The following UNC5D variants were observed in gnomAD, a reference collection of about 807,000 sequenced individuals.
The protein encoded by UNC5D is unc-5 netrin receptor D.
In UNC5D, 39 loss-of-function variants were observed where a neutral mutation model predicts 105.4. The ratio of observed to expected loss-of-function variants is 0.37; its 90% CI spans 0.29 to 0.48. UNC5D has a LOEUF of 0.48. UNC5D is among the 20% of genes least tolerant of loss of function. The pLI is 0.98. For synonymous variants in UNC5D, 452 were observed against 450.4 expected (o/e 1.00, Z -0.04); for missense variants, 991 against 1,202.4 (o/e 0.82, Z 2.60).
chr8:35,769,927 C>T (rs904782824), intron 15 of UNC5D, among the ~76,000 whole-genome samples: 3 of 152,176 alleles, frequency 2.0e-5, no homozygotes, highest in South Asian at 2.1e-4. Context: ...CACACCACTG[C>T]ACTCCAGCCT....
intron 1 of UNC5D, among the ~76,000 whole-genome samples, chr8:35,477,179 T>C (rs1400018199): frequency 1.3e-5 from 2 of 152,218 alleles, no homozygotes; most frequent in Non-Finnish European, 2.9e-5. Flanking sequence ...TTTCATTTAA[T>C]TTTGAAATTA....
chr8:35,459,817 CAT>C (rs1471944348), intron 1 of UNC5D, among the ~76,000 whole-genome samples: 1 of 152,162 alleles, frequency 6.6e-6, no homozygotes, highest in Non-Finnish European at 1.5e-5. Context: ...TGATTTCTAA[CAT>C]ATTGTCGCAT....
intron 1 of UNC5D, among the ~76,000 whole-genome samples, chr8:35,309,428 A>C (rs1808701241): frequency 6.6e-6 from 1 of 152,110 alleles, no homozygotes. Flanking sequence ...TGTCTCTCTC[A>C]TGGCTCATGC....
chr8:35,690,446 T>C (rs964463386), intron 7 of UNC5D, among the ~76,000 whole-genome samples: 1 of 151,852 alleles, frequency 6.6e-6, no homozygotes, highest in African/African-American at 2.4e-5. Flanking sequence ...CTGGGCAACA[T>C]AGCAAGACCC....
intron 1 of UNC5D, among the ~76,000 whole-genome samples, chr8:35,447,203 T>C (rs1024924921): frequency 6.6e-6 from 1 of 152,128 alleles, no homozygotes; most frequent in African/African-American, 2.4e-5. Context: ...GGAGAAAACA[T>C]CAGTATTTTG....
intron 10 of UNC5D, 72 bp downstream of exon 10, chr8:35,726,601 C>G (rs1026173296): frequency 1.9e-5 from 30 of 1,557,148 alleles, no homozygotes; most frequent in Admixed American, 1.4e-4. Context: ...TACTTCCCAT[C>G]AGATTCATTT....
At chr8:35,623,857 G>C (rs1163757515) in intron 4 of UNC5D, among the ~76,000 whole-genome samples, 1 of 152,110 alleles carries the variant, frequency 6.6e-6, no homozygotes, top group African/African-American at 2.4e-5. Context: ...GAGGCAGGCG[G>C]ATCACAAGGG....
At chr8:35,402,162 T>A (rs1352621866) in intron 1 of UNC5D, among the ~76,000 whole-genome samples, 1 of 152,196 alleles carries the variant, frequency 6.6e-6, no homozygotes, top group African/African-American at 2.4e-5. Flanking sequence ...AATCTTTATT[T>A]CATTTATCTG....
At chr8:35,247,569 A>ATATATAT (rs1269599978) in intron 1 of UNC5D, among the ~76,000 whole-genome samples, 59 of 115,752 alleles carry the variant, frequency 5.1e-4, no homozygotes, top group African/African-American at 2.0e-3. Context: ...TAATATATAA[A>ATATATAT]TATGTATAAA....
At chr8:35,790,338 T>C in intron 16 of UNC5D, 21 bp from the exon 17 acceptor site, 1 of 1,610,930 alleles carries the variant, frequency 6.2e-7, no homozygotes, top group Non-Finnish European at 8.5e-7. Context: ...TTGTTCTTTG[T>C]GTTTAACTCT....
chr8:35,480,479 A>T (rs911334501), intron 1 of UNC5D, among the ~76,000 whole-genome samples: 2 of 152,138 alleles, frequency 1.3e-5, no homozygotes, highest in East Asian at 3.9e-4. Flanking sequence ...GGAGCTCCTG[A>T]GGAGTCCTTA....
At chr8:35,786,264 G>T (rs1396137407) in intron 16 of UNC5D, among the ~76,000 whole-genome samples, 1 of 152,154 alleles carries the variant, frequency 6.6e-6, no homozygotes, top group Non-Finnish European at 1.5e-5. Context: ...ATGTTGTGCT[G>T]AATGTGCTTG....
chr8:35,366,930 G>A lies in UNC5D; in HGVS notation c.103+131043G>A, dbSNP rs184372355. Among the ~76,000 whole-genome samples, 80 of 152,276 alleles carry A rather than the reference G, an allele frequency of 5.3e-4. 1 individual carries two copies. The highest frequency in any genetic ancestry group is 1.8e-3 in the African/African-American group (74 of 41,562). On this transcript the variant is annotated intron_variant, in intron 1 of 16. Transcript: ENST00000404895. The stretch of plus-strand genomic sequence containing the variant: ...TCATAATAGAGATCATTCTTCTAGT[G>A]TAATCTTTTCTACAACTCCAAGTGG...
intron 1 of UNC5D, chr8:35,254,820 A>T (rs189903695): frequency 6.6e-6 from 1 of 152,316 alleles, no homozygotes; most frequent in Admixed American, 6.5e-5. Flanking sequence ...AGTCAAAGAC[A>T]ATTTTTTCAT....
At chr8:35,735,918 C>A (rs956810681) in intron 11 of UNC5D, among the ~76,000 whole-genome samples, 4 of 152,162 alleles carry the variant, frequency 2.6e-5, no homozygotes, top group African/African-American at 7.2e-5. Flanking sequence ...AGGTATATAT[C>A]TTTTATCAAT....
intron 1 of UNC5D, among the ~76,000 whole-genome samples, chr8:35,456,089 A>G (rs889036371): frequency 2.0e-5 from 3 of 152,156 alleles, no homozygotes; most frequent in African/African-American, 7.2e-5. Flanking sequence ...AATTCAGATA[A>G]TTTTTAAGGA....
At chr8:35,471,074 C>T (rs1030622982) in intron 1 of UNC5D, among the ~76,000 whole-genome samples, 5 of 152,092 alleles carry the variant, frequency 3.3e-5, no homozygotes, top group Non-Finnish European at 5.9e-5. Flanking sequence ...TCTAGTACCC[C>T]GGGGCCAGTT....
At chr8:35,652,418 C>T (rs1823472749) in intron 4 of UNC5D, among the ~76,000 whole-genome samples, 1 of 152,138 alleles carries the variant, frequency 6.6e-6, no homozygotes. Context: ...GATGTACCTA[C>T]TCTCATTTCA....
At chr8:35,564,859 A>G (rs1817220756) in intron 2 of UNC5D, among the ~76,000 whole-genome samples, 1 of 152,158 alleles carries the variant, frequency 6.6e-6, no homozygotes, top group Non-Finnish European at 1.5e-5. Context: ...TTGGTTTCCC[A>G]TTCCTGAGCT....
Sources: gnomAD v4.1 joint callset for allele counts (sites outside exome capture counted in the v4.1 genomes callset) on GRCh38, gnomAD v4.1.1 for gene constraint, MANE v1.5 for transcripts, NCBI Gene and HGNC (gene_info 2026-07-23, HGNC 2026-07-21) for gene names.